Variants in ADAMTS2 observed in about 807,000 individuals in gnomAD.
ADAMTS2 encodes the protein ADAM metallopeptidase with thrombospondin type 1 motif 2.
ADAMTS2 carries 50 observed loss-of-function variants against 123.0 expected under a neutral mutation model. The ratio of observed to expected loss-of-function variants is 0.41; its 90% CI spans 0.32 to 0.51. The LOEUF is 0.51. Ranked by LOEUF, ADAMTS2 falls within the 20% of genes least tolerant of loss-of-function variation. The pLI, the probability that ADAMTS2 is intolerant of heterozygous loss-of-function variation, is 0.35. For missense variants in ADAMTS2, 1,494 were observed against 1,705.2 expected (o/e 0.88, Z 2.18); for synonymous variants, 678 against 695.4 (o/e 0.98, Z 0.39).
At chr5:179,287,576 G>T (rs1489833914) in intron 2 of ADAMTS2, among the ~76,000 whole-genome samples, 1 of 151,702 alleles carries the variant, frequency 6.6e-6, no homozygotes, top group Non-Finnish European at 1.5e-5. Context: ...GCGATCCCAA[G>T]GCTGAGTCTA....
Position 179,188,803 on chromosome 5 carries a change from C to T in ADAMTS2, c.892-7648G>A, listed in dbSNP as rs921449361. Among the ~76,000 whole-genome samples, 2 of 152,146 alleles carry T rather than the reference C, an allele frequency of 1.3e-5. No homozygotes were observed. The highest frequency in any genetic ancestry group is 2.9e-5 in the Non-Finnish European group (2 of 68,024). On this transcript the variant is annotated intron_variant, in intron 4 of 21. Coordinates refer to ENST00000251582, the MANE Select transcript of ADAMTS2 (RefSeq NM_014244.5). The surrounding 1 kb of genome is among the most constrained non-coding windows in gnomAD (Gnocchi z 5.1). Reference sequence around the variant, plus strand: ...ATGCCTCAGGGTGGGGACGGGGCTCCTCCACTTCCAGGCCAGCTCATCAAT... The same window carrying T: ...ATGCCTCAGGGTGGGGACGGGGCTCTTCCACTTCCAGGCCAGCTCATCAAT...
chr5:179,173,432 AAAC>A (rs997184393), intron 5 of ADAMTS2, among the ~76,000 whole-genome samples: 6 of 152,180 alleles, frequency 3.9e-5, no homozygotes, highest in Non-Finnish European at 7.3e-5. Flanking sequence ...CCTGCTTTTC[AAAC>A]AACAAACAGC....
intron 2 of ADAMTS2, among the ~76,000 whole-genome samples, chr5:179,293,984 T>C (rs1029994124): frequency 1.3e-5 from 2 of 152,108 alleles, no homozygotes; most frequent in African/African-American, 4.8e-5. Flanking sequence ...ACATTCCACT[T>C]AATGACTGGG....
intron 2 of ADAMTS2, among the ~76,000 whole-genome samples, chr5:179,292,426 G>A (rs1305907267): frequency 6.6e-6 from 1 of 151,874 alleles, no homozygotes; most frequent in Non-Finnish European, 1.5e-5. Context: ...CTGAGCCTGA[G>A]CAGTAACGAG....
intron 5 of ADAMTS2, among the ~76,000 whole-genome samples, chr5:179,167,934 C>T (rs1314558648): frequency 2.0e-5 from 3 of 152,208 alleles, no homozygotes; most frequent in Admixed American, 6.5e-5. Context: ...CTGGCCTACC[C>T]GCTGGGGCTG....
chr5:179,335,352 C>A (rs1053997962), intron 2 of ADAMTS2, among the ~76,000 whole-genome samples: 3 of 152,072 alleles, frequency 2.0e-5, no homozygotes, highest in African/African-American at 2.4e-5. Context: ...TTGGGGGGTA[C>A]GAAGTCTCTG....
chr5:179,177,571 A>G (rs566882500), intron 5 of ADAMTS2, among the ~76,000 whole-genome samples: 2 of 152,318 alleles, frequency 1.3e-5, no homozygotes, highest in South Asian at 4.1e-4. Context: ...TATGGGACTT[A>G]TGGCATATTC....
chr5:179,187,327 G>A (rs1738524563), intron 4 of ADAMTS2, among the ~76,000 whole-genome samples: 3 of 152,178 alleles, frequency 2.0e-5, no homozygotes, highest in African/African-American at 7.2e-5. Flanking sequence ...AGTCTTCTCG[G>A]GCTGCCCTGG....
intron 2 of ADAMTS2, among the ~76,000 whole-genome samples, chr5:179,309,357 A>T (rs183858035): frequency 6.6e-6 from 1 of 152,302 alleles, no homozygotes; most frequent in African/African-American, 2.4e-5. Flanking sequence ...AAGCCATCCC[A>T]GTCAGATGTC....
intron 10 of ADAMTS2, among the ~76,000 whole-genome samples, chr5:179,144,276 A>T (rs902529355): frequency 6.6e-6 from 1 of 152,260 alleles, no homozygotes; most frequent in African/African-American, 2.4e-5. Context: ...TCATTGAAAG[A>T]AGTTCAAGTT....
In ADAMTS2 at chr5:179,285,152, C is replaced by T. The variant is rs1038300225; in HGVS notation, c.535-12088G>A. Among the ~76,000 whole-genome samples, 3 of 152,196 alleles carry T rather than the reference C, an allele frequency of 2.0e-5. No individual in the cohort carries two copies. Among genetic ancestry groups the T allele is most frequent in the Middle Eastern group, 3.2e-3 (1 of 316 alleles). ...TCATGGCATGACAGCTGTTAGGAAACGCGTAACAAAGGGTCAGCAGTGTTA... is the reference window on the plus strand; with the variant it reads ...TCATGGCATGACAGCTGTTAGGAAATGCGTAACAAAGGGTCAGCAGTGTTA... On this transcript the variant is annotated intron_variant, in intron 2 of 21. Transcript: ENST00000251582. The surrounding 1 kb of genome is among the most constrained non-coding windows in gnomAD (Gnocchi z 4.9).
At chr5:179,114,393 C>T in intron 21 of ADAMTS2, 69 bp from the exon 22 acceptor site, 2 of 1,501,180 alleles carry the variant, frequency 1.3e-6, no homozygotes, top group Non-Finnish European at 1.8e-6. Flanking sequence ...CCACAGGGTG[C>T]AGCTTGCTGG....
At chr5:179,320,369 A>G (rs138745991) in intron 2 of ADAMTS2, among the ~76,000 whole-genome samples, 5 of 152,134 alleles carry the variant, frequency 3.3e-5, no homozygotes, top group South Asian at 2.1e-4. Context: ...GTGCAGTGGC[A>G]CGATCTTGAC....
At chr5:179,319,431 T>C (rs1446894724) in intron 2 of ADAMTS2, among the ~76,000 whole-genome samples, 1 of 152,042 alleles carries the variant, frequency 6.6e-6, no homozygotes. Flanking sequence ...ACATGCATTA[T>C]ACATGCACAC....
At chr5:179,215,072 T>C (rs1764948577) in intron 3 of ADAMTS2, among the ~76,000 whole-genome samples, 1 of 152,120 alleles carries the variant, frequency 6.6e-6, no homozygotes. Flanking sequence ...TTCAAATTAA[T>C]GCAGTGTATT....
intron 2 of ADAMTS2, among the ~76,000 whole-genome samples, chr5:179,339,943 T>C (rs1757723634): frequency 6.6e-6 from 1 of 152,234 alleles, no homozygotes; most frequent in Non-Finnish European, 1.5e-5. Context: ...CTTCTCTCTG[T>C]GGCCTTTATG....
chr5:179,341,900 A>C (rs1757785362), intron 2 of ADAMTS2, among the ~76,000 whole-genome samples: 1 of 151,924 alleles, frequency 6.6e-6, no homozygotes, highest in South Asian at 2.1e-4. Flanking sequence ...GCCAATCCAC[A>C]CCTGGTACCT....
chr5:179,236,766 G>C (rs114502966), intron 3 of ADAMTS2, among the ~76,000 whole-genome samples: 1 of 152,174 alleles, frequency 6.6e-6, no homozygotes, highest in Non-Finnish European at 1.5e-5. Context: ...ACTTCAGCCT[G>C]GGTGACAAAG....
chr5:179,182,596 AT>A (rs1425166327), intron 4 of ADAMTS2, among the ~76,000 whole-genome samples: 1 of 152,146 alleles, frequency 6.6e-6, no homozygotes, highest in East Asian at 1.9e-4. Flanking sequence ...GGGAACAAAG[AT>A]GGCACCGATC....
Sources: gnomAD v4.1 joint callset for allele counts (sites outside exome capture counted in the v4.1 genomes callset) on GRCh38, gnomAD v4.1.1 for gene constraint, Gnocchi (gnomAD v3.1) non-coding constraint, MANE v1.5 for transcripts, NCBI Gene and HGNC (gene_info 2026-07-23, HGNC 2026-07-21) for gene names.